The following SGCD variants were observed in gnomAD, a reference collection of about 807,000 sequenced individuals.
The protein encoded by SGCD is sarcoglycan delta.
SGCD carries 18 observed loss-of-function variants against 36.6 expected under a neutral mutation model. The ratio of observed to expected loss-of-function variants is 0.49; its 90% CI spans 0.34 to 0.73. The LOEUF (loss-of-function observed/expected upper bound fraction) is 0.73. SGCD is among the 30% of genes least tolerant of loss of function. SGCD has a pLI of 0.01. For missense variants in SGCD, 387 were observed against 346.7 expected (o/e 1.12, Z -0.92); for synonymous variants, 133 against 130.6 (o/e 1.02, Z -0.12).
intron 1 of SGCD, among the ~76,000 whole-genome samples, chr5:156,007,295 G>T (rs561003462): frequency 3.3e-5 from 5 of 152,110 alleles, no homozygotes; most frequent in African/African-American, 1.2e-4. Context: ...TCTTCTGATG[G>T]CCCAGTAAAC....
chr5:156,531,560 A>G (rs1285482474), intron 4 of SGCD, among the ~76,000 whole-genome samples: 1 of 152,200 alleles, frequency 6.6e-6, no homozygotes, highest in Non-Finnish European at 1.5e-5. Flanking sequence ...TTCTCTCCAC[A>G]CAACACATCA....
At chr5:156,688,121 G>A (rs952953754) in intron 7 of SGCD, among the ~76,000 whole-genome samples, 12 of 152,136 alleles carry the variant, frequency 7.9e-5, no homozygotes, top group South Asian at 4.1e-4. Flanking sequence ...AGGTAAACTC[G>A]TGTCGCGGGG....
chr5:155,926,034 A>G (rs1756991992), intron 1 of SGCD, among the ~76,000 whole-genome samples: 1 of 152,056 alleles, frequency 6.6e-6, no homozygotes, highest in African/African-American at 2.4e-5. Context: ...AAGTACTGAC[A>G]TTATAAAAGC....
rs1561593277 is a variant in SGCD, at chr5:156,269,505, A to AAC, written c.-43-60028_-43-60027insCA. ...AAAAAAAAAAAAAAAAAAAAAAAAA[A>AAC]AAAAACCATCAGATCTCATGAAACT... is the stretch of plus-strand genomic sequence containing the variant. On this transcript the variant is annotated intron_variant, in intron 3 of 9. Transcript: ENST00000517913. Among the ~76,000 whole-genome samples, 155 of 86,188 alleles carry AAC rather than the reference A, an allele frequency of 1.8e-3. 24 individuals are homozygous for AAC. The highest frequency in any genetic ancestry group is 7.5e-3 in the African/African-American group (146 of 19,374). 56.5% of individuals were successfully genotyped at this position (86,188 alleles called of 152,430 possible). A position where few individuals can be genotyped will look rare whatever the true frequency, so the allele number is the denominator to read the frequency against.
intron 3 of SGCD, among the ~76,000 whole-genome samples, chr5:156,432,028 T>C (rs1164337898): frequency 6.6e-6 from 1 of 152,174 alleles, no homozygotes; most frequent in East Asian, 1.9e-4. Flanking sequence ...ACTGCAATGA[T>C]TGTTCTGCTT....
intron 3 of SGCD, among the ~76,000 whole-genome samples, chr5:156,299,021 A>G (rs1766980989): frequency 6.6e-6 from 1 of 152,152 alleles, no homozygotes; most frequent in Non-Finnish European, 1.5e-5. Context: ...GCCCAGACCA[A>G]TGTCCTGGAG....
intron 1 of SGCD, among the ~76,000 whole-genome samples, chr5:156,061,569 G>T (rs1203548885): frequency 6.8e-6 from 1 of 146,124 alleles, no homozygotes; most frequent in African/African-American, 2.5e-5. Context: ...TAATGAATTG[G>T]ACCCCTCAAT....
chr5:156,202,789 A>C (rs1010155159), intron 3 of SGCD, among the ~76,000 whole-genome samples: 14 of 147,190 alleles, frequency 9.5e-5, no homozygotes, highest in Non-Finnish European at 1.8e-4. Flanking sequence ...AAAAGACTGC[A>C]GTTTAAACCT....
chr5:156,604,415 ACTC>A (rs1209511226), intron 6 of SGCD, among the ~76,000 whole-genome samples: 1 of 151,184 alleles, frequency 6.6e-6, no homozygotes, highest in African/African-American at 2.4e-5. Flanking sequence ...GTGAGAACTT[ACTC>A]CTCCTCTTTT....
At chr5:155,791,879 G>A in the SGCD span, among the ~76,000 whole-genome samples, 1 of 152,032 alleles carries the variant, frequency 6.6e-6, no homozygotes, top group Non-Finnish European at 1.5e-5. Flanking sequence ...AAATACCAAC[G>A]TCATTTTTCA....
At chr5:155,967,852 G>A (rs139713481) in intron 1 of SGCD, among the ~76,000 whole-genome samples, 2 of 152,170 alleles carry the variant, frequency 1.3e-5, no homozygotes, top group East Asian at 1.9e-4. Flanking sequence ...GACACCTCAA[G>A]AAGGAAAGCA....
At chr5:156,021,080 CT>C (rs1222251117) in intron 1 of SGCD, among the ~76,000 whole-genome samples, 3 of 152,112 alleles carry the variant, frequency 2.0e-5, no homozygotes, top group Non-Finnish European at 1.5e-5. Context: ...GAAGAAATCA[CT>C]GGGGAAAAAA....
At chr5:156,306,275 A>G (rs1417960148) in intron 3 of SGCD, among the ~76,000 whole-genome samples, 1 of 152,074 alleles carries the variant, frequency 6.6e-6, no homozygotes, top group Non-Finnish European at 1.5e-5. Flanking sequence ...GGTCTTTCCC[A>G]TGCTGTTCTC....
intron 1 of SGCD, among the ~76,000 whole-genome samples, chr5:156,091,163 A>G (rs1007627382): frequency 2.0e-5 from 3 of 152,248 alleles, no homozygotes; most frequent in Non-Finnish European, 4.4e-5. Context: ...TGGTGAAGTG[A>G]TAAATGTCCA....
chr5:155,753,322 C>T, the SGCD span, among the ~76,000 whole-genome samples: 2 of 130,386 alleles, frequency 1.5e-5, no homozygotes, highest in African/African-American at 3.9e-5. Flanking sequence ...GGTGACAGAG[C>T]GAGACTTTGT....
intron 3 of SGCD, chr5:156,458,634 T>G: frequency 1.6e-6 from 1 of 633,236 alleles, no homozygotes; most frequent in Non-Finnish European, 2.8e-6. Flanking sequence ...AAATACAATA[T>G]TCATGCAGAT....
At chr5:156,606,741 T>C (rs1321341033) in intron 6 of SGCD, among the ~76,000 whole-genome samples, 1 of 152,180 alleles carries the variant, frequency 6.6e-6, no homozygotes, top group Non-Finnish European at 1.5e-5. Context: ...GGTTTGTAGT[T>C]CTCCTTGAAG....
At chr5:156,104,374 GAGTATAGTA>G (rs1436343429) in intron 1 of SGCD, among the ~76,000 whole-genome samples, 1 of 152,174 alleles carries the variant, frequency 6.6e-6, no homozygotes, top group Non-Finnish European at 1.5e-5. Flanking sequence ...ATATGCCCAA[GAGTATAGTA>G]ATATGAGCAT....
intron 3 of SGCD, among the ~76,000 whole-genome samples, chr5:156,277,796 T>C (rs1195978765): frequency 1.3e-5 from 2 of 152,160 alleles, no homozygotes; most frequent in Non-Finnish European, 2.9e-5. Context: ...GATGGAAGAT[T>C]GAGGAGTAAT....
Sources: allele counts gnomAD v4.1 joint callset (sites outside exome capture counted in the v4.1 genomes callset), GRCh38; gene constraint gnomAD v4.1.1; transcripts MANE v1.5; gene names NCBI Gene and HGNC (gene_info 2026-07-23, HGNC 2026-07-21).